The following DSCAML1 variants were observed in gnomAD, a reference collection of about 807,000 sequenced individuals.
DSCAML1 encodes DS cell adhesion molecule like 1.
A neutral mutation model predicts 200.5 loss-of-function variants in DSCAML1; 38 were observed. The ratio of observed to expected loss-of-function variants is 0.19; its 90% CI spans 0.15 to 0.25. The LOEUF is 0.25. Ranked by LOEUF, DSCAML1 falls within the 10% of genes least tolerant of loss-of-function variation. The pLI is 1.00. For synonymous variants in DSCAML1, 1,215 were observed against 1,165.0 expected, an observed-to-expected ratio of 1.04 and a Z score of -0.87; for missense variants, 2,223 against 2,858.8, an observed-to-expected ratio of 0.78 and a Z score of 5.07.
chr11:117,428,076 C>T lies in DSCAML1; in HGVS notation c.*252G>A. On this transcript the variant is annotated 3_prime_UTR_variant, in exon 33 of 33. Transcript: ENST00000651296. ...CTATATATGTATATATATCTCCACACATATTTTGTGGGGTGGGGGATTTGA... is the reference window on the plus strand; with the variant it reads ...CTATATATGTATATATATCTCCACATATATTTTGTGGGGTGGGGGATTTGA... The T allele has an allele frequency of 2.4e-6, 1 of 425,248 alleles. No homozygotes were observed. Among genetic ancestry groups the T allele is most frequent in the East Asian group, 5.0e-5 (1 of 19,932 alleles). The allele number at this position is 425,248 out of a possible 1,614,324, so 26.3% of individuals were successfully genotyped here.
chr11:117,536,409 A>G lies in DSCAML1; in HGVS notation c.512-3887T>C, dbSNP rs188802180. 6.8e-4 allele frequency among the ~76,000 whole-genome samples: 103 copies of G among 152,360 alleles called. 1 individual carries two copies. Among genetic ancestry groups the G allele is most frequent in the Non-Finnish European group, 1.1e-3 (76 of 68,036 alleles). ...GCCATCCCTGGGAAGGGAGAAGAGT[A>G]GCTGGCCCACGTTCTCTGCTTTGAG... On this transcript the variant is annotated intron_variant, in intron 3 of 32. Transcript: ENST00000651296.
In DSCAML1 at chr11:117,504,921, T is replaced by C. The variant is rs1379934569; in HGVS notation, c.2182+3A>G. 6.2e-7 allele frequency: 1 copy of C among 1,605,114 alleles called. No individual in the cohort carries two copies. Among genetic ancestry groups the C allele is most frequent in the African/African-American group, 1.3e-5 (1 of 74,734 alleles). ...GGAGATTCTGGCTGGGCCAGGGGCT[T>C]ACCCTTGGCATGCTTCCACATGACC... On this transcript the variant is annotated splice_donor_region_variant and intron_variant, in intron 10 of 32. Transcript: ENST00000651296. The surrounding 1 kb of genome is among the most constrained non-coding windows in gnomAD (Gnocchi z 5.0).
At position 117,471,881 on chromosome 11, in the gene DSCAML1, T is replaced by C. The variant is rs1489840562; in HGVS notation, c.2941A>G (p.Thr981Ala). The change falls in exon 15 of 33, where the codon ACT (threonine) becomes GCT (alanine). Residue 981 changes from threonine to alanine, a missense_variant. Transcript: ENST00000651296. Reference protein sequence around the residue: ...SEPSKELTISTEEAAPDGPPM... With the variant: ...SEPSKELTISAEEAAPDGPPM... ...GTGAGGTGCTCACCGGCCTCCTCAGTGCTGATGGTGAGCTCCTTGCTTGGT... is the reference window on the plus strand; with the variant it reads ...GTGAGGTGCTCACCGGCCTCCTCAGCGCTGATGGTGAGCTCCTTGCTTGGT... 5 of 1,610,656 alleles carry C rather than the reference T, an allele frequency of 3.1e-6. No homozygotes were observed. In the East Asian group the frequency reaches 8.9e-5, roughly 29 times the overall value.
chr11:117,429,649 C>T (rs1026125566), intron 32 of DSCAML1, among the ~76,000 whole-genome samples: 4 of 152,226 alleles, frequency 2.6e-5, no homozygotes, highest in African/African-American at 7.2e-5. Flanking sequence ...GCTGGGATTA[C>T]AGGCATGAGC....
chr11:117,477,905 C>T (rs1234586676), intron 14 of DSCAML1, among the ~76,000 whole-genome samples: 4 of 152,208 alleles, frequency 2.6e-5, no homozygotes, highest in Non-Finnish European at 2.9e-5. Context: ...CTTCTCAGTG[C>T]TCTGGGTCCT....
At chr11:117,748,677 T>G (rs1425108035) in intron 3 of DSCAML1, among the ~76,000 whole-genome samples, 2 of 152,210 alleles carry the variant, frequency 1.3e-5, no homozygotes, top group Non-Finnish European at 2.9e-5. Context: ...GACTCCAGGC[T>G]GGTAGTGTTG....
At chr11:117,513,777 C>T (rs2137298471) in intron 8 of DSCAML1, among the ~76,000 whole-genome samples, 1 of 150,322 alleles carries the variant, frequency 6.7e-6, no homozygotes. Flanking sequence ...TTTTCCTGGG[C>T]TCAAAGTGAG....
chr11:117,481,555 G>C (rs2048917990), intron 12 of DSCAML1, among the ~76,000 whole-genome samples: 1 of 131,022 alleles, frequency 7.6e-6, no homozygotes, highest in Non-Finnish European at 1.7e-5. Flanking sequence ...GGGAGGGGCT[G>C]AGGGGGTCCC....
chr11:117,715,664 G>A (rs75265830), intron 3 of DSCAML1, among the ~76,000 whole-genome samples: 2,364 of 152,264 alleles, frequency 0.016, 64 homozygotes, highest in African/African-American at 0.053. Flanking sequence ...TGATGAGTAC[G>A]GGACTGGGAT....
intron 3 of DSCAML1, among the ~76,000 whole-genome samples, chr11:117,725,176 G>T (rs1565896320): frequency 6.6e-6 from 1 of 152,192 alleles, no homozygotes; most frequent in Non-Finnish European, 1.5e-5. Flanking sequence ...CCTTCCCCAG[G>T]CATAGCTGGG....
chr11:117,718,851 G>C lies in DSCAML1; in HGVS notation c.511+57940C>G, dbSNP rs1050411627. On this transcript the variant is annotated intron_variant, in intron 3 of 32. Coordinates refer to ENST00000651296, the MANE Select transcript of DSCAML1 (RefSeq NM_020693.4). ...ACGAGCACATAACCATGTTCAGTTG[G>C]GGTCAGCAAACTTTTTCTGCAAAGG... Among the ~76,000 whole-genome samples, 10 of 152,256 alleles carry C rather than the reference G, an allele frequency of 6.6e-5. No individual in the cohort carries two copies. In the East Asian group the frequency reaches 1.9e-3, roughly 29 times the overall value.
Position 117,691,739 on chromosome 11 carries a change from A to T in DSCAML1, c.511+85052T>A, listed in dbSNP as rs555569807. 1.2e-3 allele frequency among the ~76,000 whole-genome samples: 188 copies of T among 152,288 alleles called. 1 individual carries two copies. Among genetic ancestry groups the T allele is most frequent in the African/African-American group, 4.3e-3 (179 of 41,542 alleles). ...ACATCGACACTACATGTTCAGAAAA[A>T]GGAACAGGGGAGGGGCTGGGAGAGG... On this transcript the variant is annotated intron_variant, in intron 3 of 32. Coordinates refer to ENST00000651296, the MANE Select transcript of DSCAML1 (RefSeq NM_020693.4).
intron 1 of DSCAML1, among the ~76,000 whole-genome samples, chr11:117,785,470 G>A (rs1412797625): frequency 6.6e-6 from 1 of 152,136 alleles, no homozygotes; most frequent in Non-Finnish European, 1.5e-5. Flanking sequence ...AACCTTGCAG[G>A]CTGGAGCACT....
At chr11:117,565,216 G>A (rs1037673346) in intron 3 of DSCAML1, among the ~76,000 whole-genome samples, 1 of 151,884 alleles carries the variant, frequency 6.6e-6, no homozygotes, top group African/African-American at 2.4e-5. Context: ...ACATCGTTTT[G>A]GGGGTACATG....
In DSCAML1 at chr11:117,480,444, T is replaced by C. The variant is rs2048889797; in HGVS notation, c.2784A>G (p.Ser928=). 1 of 1,613,532 alleles carries C rather than the reference T, an allele frequency of 6.2e-7. No homozygotes were observed. Among genetic ancestry groups the C allele is most frequent in the East Asian group, 2.2e-5 (1 of 44,858 alleles). ...TGFDIEYKNK[S]DSWDFKQSTR... is the part of the protein sequence containing the mutation. ...TCACCCTCCTGGCCCAGCGCCTACC[T>C]GATTTGTTCTTGTATTCAATGTCGA... The change falls in exon 14 of 33, where the codon TCA becomes TCG. Residue 928 remains serine, a splice_region_variant and synonymous_variant. Transcript: ENST00000651296. The surrounding 1 kb of genome is among the most constrained non-coding windows in gnomAD (Gnocchi z 4.1).
upstream of DSCAML1, among the ~76,000 whole-genome samples, chr11:117,799,399 T>C (rs189377191): frequency 3.3e-5 from 5 of 152,268 alleles, no homozygotes; most frequent in African/African-American, 1.2e-4. Flanking sequence ...CGGTGGACCC[T>C]CTTCTTTGCA....
intron 3 of DSCAML1, among the ~76,000 whole-genome samples, chr11:117,643,754 C>G (rs1019057441): frequency 2.0e-5 from 3 of 152,154 alleles, no homozygotes; most frequent in Non-Finnish European, 4.4e-5. Flanking sequence ...ATCCCTCTCG[C>G]CACCAGCACT....
chr11:117,484,785 G>A (rs1037038072), intron 11 of DSCAML1, among the ~76,000 whole-genome samples: 1 of 152,194 alleles, frequency 6.6e-6, no homozygotes, highest in African/African-American at 2.4e-5. Flanking sequence ...TAAGCGGACT[G>A]GGGACTGGGA....
At chr11:117,442,033 TGTGTGTGTGTGTGTTA>T (rs1477238853) in intron 21 of DSCAML1, among the ~76,000 whole-genome samples, 6 of 54,166 alleles carry the variant, frequency 1.1e-4, no homozygotes, top group Non-Finnish European at 1.9e-4. Context: ...AGTGTGTGTA[TGTGTGTGTGTGTGTTA>T]GTGTATGTGT....
Sources: allele counts gnomAD v4.1 joint callset (sites outside exome capture counted in the v4.1 genomes callset), GRCh38; gene constraint gnomAD v4.1.1; non-coding constraint Gnocchi (gnomAD v3.1); transcripts MANE v1.5; gene names NCBI Gene and HGNC (gene_info 2026-07-23, HGNC 2026-07-21).